TTC23L: variants seen among roughly 807,000 people sequenced by gnomAD.
TTC23L encodes the protein tetratricopeptide repeat protein 23-like.
In TTC23L, 42 loss-of-function variants were observed where a neutral mutation model predicts 48.1. The ratio of observed to expected loss-of-function variants is 0.87; its 90% CI spans 0.68 to 1.13. The LOEUF is 1.13. Ranked by LOEUF, TTC23L falls within the 50% of genes most tolerant of loss-of-function variation. The pLI is 0.00. For synonymous variants in TTC23L, 159 were observed against 157.2 expected, an observed-to-expected ratio of 1.01 and a Z score of -0.09; for missense variants, 391 against 421.0, an observed-to-expected ratio of 0.93 and a Z score of 0.62.
At chr5:34,850,190 T>C (rs757206076) in exon 4 of TTC23L, 1 of 1,613,816 alleles carries the variant, frequency 6.2e-7, no homozygotes, top group South Asian at 1.1e-5. Flanking sequence ...TACAGAATAC[T>C]CAAGCAAACA....
chr5:34,860,669 A>G (rs1348016031), intron 4 of TTC23L: 2 of 152,170 alleles, frequency 1.3e-5, no homozygotes, highest in Admixed American at 6.5e-5. Flanking sequence ...GTTGAAACCT[A>G]TGGAACAGAT....
chr5:34,848,567 G>A (rs1383060756), intron 3 of TTC23L, among the ~76,000 whole-genome samples: 2 of 152,166 alleles, frequency 1.3e-5, no homozygotes, highest in African/African-American at 4.8e-5. Flanking sequence ...TAGGTAATGG[G>A]ATATTGAGTG....
the TTC23L span, chr5:34,920,979 CT>C: frequency 6.6e-6 from 1 of 152,322 alleles, no homozygotes; most frequent in South Asian, 2.1e-4. Context: ...ATTCTCCTGC[CT>C]CAGCCTCCCG....
At position 34,855,200 on chromosome 5, in the gene TTC23L, A is replaced by C. The variant is rs1479411758; in HGVS notation, c.379+4892A>C. On this transcript the variant is annotated intron_variant, in intron 4 of 10. Transcript: ENST00000505624. ...GGCTAAGGTTAGGACTGGTAAGATG[A>C]ACCTGGAAAGGAGAAGGGTACATTG... is the stretch of plus-strand genomic sequence containing the variant. 5.3e-5 allele frequency among the ~76,000 whole-genome samples: 3 copies of C among 56,462 alleles called. No individual in the cohort carries two copies. The African/African-American group carries it at 6.5e-4, about 12-fold the overall frequency. 37.0% of individuals were successfully genotyped at this position (56,462 alleles called of 152,430 possible).
At chr5:34,913,583 G>A in the TTC23L span, 24 of 1,532,334 alleles carry the variant, frequency 1.6e-5, no homozygotes, top group East Asian at 4.5e-4. Flanking sequence ...TCCAGCCTAT[G>A]AAAAGAGTAA....
At chr5:34,911,773 C>T in the TTC23L span, 1 of 1,614,104 alleles carries the variant, frequency 6.2e-7, no homozygotes, top group Non-Finnish European at 8.5e-7. Context: ...CAAAGGGTAA[C>T]CATAACCTTG....
intron 4 of TTC23L, among the ~76,000 whole-genome samples, chr5:34,852,039 T>A (rs1759714495): frequency 6.6e-6 from 1 of 151,806 alleles, no homozygotes; most frequent in Non-Finnish European, 1.5e-5. Flanking sequence ...TCAAGTAGAT[T>A]TTTTTACTTT....
the TTC23L span, chr5:34,914,508 A>G: frequency 1.6e-6 from 1 of 630,784 alleles, no homozygotes; most frequent in Non-Finnish European, 2.7e-6. Flanking sequence ...CCGGGAGAGA[A>G]AAAAAATTCA....
At chr5:34,912,992 ACT>A in the TTC23L span, among the ~76,000 whole-genome samples, 34 of 152,230 alleles carry the variant, frequency 2.2e-4, no homozygotes, top group African/African-American at 7.5e-4. Flanking sequence ...CAAGAGAGAA[ACT>A]CTGTCTCAAA....
At chr5:34,873,928 A>G (rs922867113) in intron 8 of TTC23L, among the ~76,000 whole-genome samples, 1 of 152,234 alleles carries the variant, frequency 6.6e-6, no homozygotes, top group African/African-American at 2.4e-5. Flanking sequence ...AGCTATGCAG[A>G]CACAGGAGTG....
At position 34,852,736 on chromosome 5, in the gene TTC23L, G is replaced by T. The variant is rs377149233; in HGVS notation, c.379+2428G>T. Among the ~76,000 whole-genome samples the T allele has an allele frequency of 1.1e-3, 169 of 152,256 alleles. 7 individuals carry two copies. The South Asian group carries it at 0.035, about 31-fold the overall frequency. On this transcript the variant is annotated intron_variant, in intron 4 of 10. Transcript: ENST00000505624. ...GAGAATGAAAGGGAAAGACCAAGTGGTGGGGTGTATTAGTCTGTTTTCATG... is the reference window on the plus strand; with the variant it reads ...GAGAATGAAAGGGAAAGACCAAGTGTTGGGGTGTATTAGTCTGTTTTCATG...
At chr5:34,862,083 C>G (rs1425321895) in intron 4 of TTC23L, among the ~76,000 whole-genome samples, 1 of 152,102 alleles carries the variant, frequency 6.6e-6, no homozygotes. Flanking sequence ...CAGAGCAGCT[C>G]CCTCACTGCA....
At position 34,851,021 on chromosome 5, in the gene TTC23L, C is replaced by T. The variant is rs186312411; in HGVS notation, c.379+713C>T. Among the ~76,000 whole-genome samples the T allele has an allele frequency of 1.2e-3, 187 of 152,292 alleles. 1 individual carries two copies. Among genetic ancestry groups the T allele is most frequent in the Middle Eastern group, 3.4e-3 (1 of 294 alleles). ...CCCCTGTGTGGTCTGCATACATTTT[C>T]ACCGTGGAACTCATTGTACTGTGCT... On this transcript the variant is annotated intron_variant, in intron 4 of 10. Transcript: ENST00000505624.
intron 10 of TTC23L, among the ~76,000 whole-genome samples, chr5:34,898,994 C>T (rs960677604): frequency 1.3e-5 from 2 of 152,096 alleles, no homozygotes; most frequent in Non-Finnish European, 2.9e-5. Context: ...CACAGGGCCT[C>T]GGGCTGTAAG....
intron 9 of TTC23L, among the ~76,000 whole-genome samples, chr5:34,894,520 G>C (rs1337621367): frequency 6.6e-6 from 1 of 152,116 alleles, no homozygotes; most frequent in African/African-American, 2.4e-5. Flanking sequence ...GGATTATGGA[G>C]GACTTTCAAA....
At chr5:34,865,443 C>G (rs1262367272) in intron 6 of TTC23L, among the ~76,000 whole-genome samples, 2 of 152,224 alleles carry the variant, frequency 1.3e-5, no homozygotes, top group African/African-American at 4.8e-5. Context: ...AAATTACAGT[C>G]TGGTGAATGT....
intron 4 of TTC23L, among the ~76,000 whole-genome samples, chr5:34,860,325 C>G (rs3857367): frequency 0.097 from 14,709 of 152,182 alleles, 1,151 homozygotes; most frequent in South Asian, 0.13. Context: ...TTGTATCAGT[C>G]AAAATCCTAT....
At chr5:34,881,365 T>C (rs766780196) in intron 9 of TTC23L, among the ~76,000 whole-genome samples, 2 of 152,246 alleles carry the variant, frequency 1.3e-5, no homozygotes, top group Non-Finnish European at 2.9e-5. Flanking sequence ...AGAAGTCCCA[T>C]GAGTCTAAGC....
chr5:34,913,678 G>C, the TTC23L span: 3 of 680,448 alleles, frequency 4.4e-6, no homozygotes, highest in South Asian at 2.0e-5. Flanking sequence ...ATACAATACT[G>C]TGCTAATCCC....
Sources: gnomAD v4.1 joint callset for allele counts (sites outside exome capture counted in the v4.1 genomes callset) on GRCh38, gnomAD v4.1.1 for gene constraint, MANE v1.5 for transcripts, NCBI Gene and HGNC (gene_info 2026-07-23, HGNC 2026-07-21) for gene names.